Variants in GK5 observed in about 807,000 individuals in gnomAD.
GK5 encodes the protein glycerol kinase 5, also known as ATP:glycerol 3-phosphotransferase 5.
In GK5, 39 loss-of-function variants were observed where a neutral mutation model predicts 77.3. That is an observed-to-expected ratio of 0.50 (90% CI 0.39 to 0.66). GK5 has a LOEUF of 0.66. GK5 is among the 30% of genes least tolerant of loss of function. The probability of loss-of-function intolerance (pLI) is 0.00; values close to 1 mark genes in which losing one functional copy is unlikely to be tolerated. For missense variants in GK5, 487 were observed against 633.8 expected, an observed-to-expected ratio of 0.77 and a Z score of 2.49; for synonymous variants, 211 against 208.0, an observed-to-expected ratio of 1.01 and a Z score of -0.13.
chr3:142,190,700 A>G (rs1282967730), intron 5 of GK5, among the ~76,000 whole-genome samples: 1 of 152,350 alleles, frequency 6.6e-6, no homozygotes, highest in Non-Finnish European at 1.5e-5. Flanking sequence ...TTAATTTGAT[A>G]AAGTACAAAG....
rs553532157 is a variant in GK5 at position 142,213,557 on chromosome 3, T to C, written c.286A>G (p.Thr96Ala). The C allele has an allele frequency of 3.1e-6, 5 of 1,612,334 alleles. No individual in the cohort carries two copies. In the South Asian group the frequency reaches 5.5e-5, roughly 18 times the overall value. Residue 96 changes from threonine to alanine, a missense_variant, in exon 3 of 16, where the codon ACA becomes GCA. Thr to Ala is a moderately conservative substitution (Grantham distance 58). Coordinates refer to ENST00000392993, the MANE Select transcript of GK5 (RefSeq NM_001039547.3). ...MNQIVGLGISTQRATFITWNK... is the reference protein window; with the variant it reads ...MNQIVGLGISAQRATFITWNK... ...CACGTAATAAAAGTTGCTCTCTGTG[T>C]TGAAATGCCAAGACCAACAATTTGA...
In GK5 at chr3:142,222,846, T is replaced by C. The variant is rs200404494; in HGVS notation, c.147+2463A>G. 5.9e-5 allele frequency among the ~76,000 whole-genome samples: 9 copies of C among 152,192 alleles called. No individual in the cohort carries two copies. The East Asian group carries it at 9.6e-4, about 16-fold the overall frequency. On this transcript the variant is annotated intron_variant, in intron 1 of 15. Transcript: ENST00000392993. ...CCAAACGTTTCATTACTAGAGTCAATAGACATAAAATTATTCTGCTAAGTT... is the reference window on the plus strand; with the variant it reads ...CCAAACGTTTCATTACTAGAGTCAACAGACATAAAATTATTCTGCTAAGTT...
rs1358231417 is a variant in GK5 at position 142,161,304 on chromosome 3, T to C, written c.*4318A>G. The C allele has an allele frequency of 1.3e-5, 2 of 152,264 alleles. No individual in the cohort carries two copies. The highest frequency in any genetic ancestry group is 2.1e-4 in the South Asian group (1 of 4,824). 9.4% of individuals were successfully genotyped at this position (152,264 alleles called of 1,614,324 possible). ...TTTTAATAGAGATGGGGTTTCTCCA[T>C]GTTGGTCAGGCTGGTCTCAAGCTAC... On this transcript the variant is annotated 3_prime_UTR_variant, in exon 16 of 16. Transcript: ENST00000392993.
intron 5 of GK5, among the ~76,000 whole-genome samples, chr3:142,189,297 A>C (rs898365699): frequency 6.6e-6 from 1 of 152,248 alleles, no homozygotes; most frequent in Non-Finnish European, 1.5e-5. Context: ...ATACTTTAAT[A>C]GTAGAAAGGA....
At chr3:142,190,621 T>C (rs1365233513) in intron 5 of GK5, among the ~76,000 whole-genome samples, 1 of 152,220 alleles carries the variant, frequency 6.6e-6, no homozygotes, top group Non-Finnish European at 1.5e-5. Context: ...ACAGAAAATA[T>C]GTTTGATAAA....
Position 142,213,396 on chromosome 3 carries a change from T to C in GK5, c.317+130A>G, listed in dbSNP as rs2064223598. On this transcript the variant is annotated intron_variant, in intron 3 of 15. Coordinates refer to ENST00000392993, the MANE Select transcript of GK5 (RefSeq NM_001039547.3). ...GCATACAAGCCAGAAAGCAGGCACA[T>C]TTCATCCCTCTTAACCAAACGAAAC... The C allele has an allele frequency of 1.5e-6, 1 of 653,624 alleles. No individual in the cohort carries two copies. The highest frequency in any genetic ancestry group is 1.8e-5 in the African/African-American group (1 of 56,094). 40.5% of individuals were successfully genotyped at this position (653,624 alleles called of 1,614,324 possible).
chr3:142,202,413 A>G (rs2064039759), intron 4 of GK5, among the ~76,000 whole-genome samples: 1 of 152,188 alleles, frequency 6.6e-6, no homozygotes. Flanking sequence ...TCTGGCAAAA[A>G]CACTCTAAAC....
At chr3:142,194,872 T>C (rs1468674291) in intron 5 of GK5, among the ~76,000 whole-genome samples, 2 of 150,592 alleles carry the variant, frequency 1.3e-5, no homozygotes, top group Non-Finnish European at 2.9e-5. Flanking sequence ...TATTACATTG[T>C]CATGCTCAAC....
rs142059688 is a variant in GK5, at chr3:142,188,627, A to G, written c.544-848T>C. Among the ~76,000 whole-genome samples the G allele has an allele frequency of 6.7e-3, 1,018 of 152,406 alleles. 9 individuals carry two copies. Among genetic ancestry groups the G allele is most frequent in the African/African-American group, 0.023 (947 of 41,608 alleles). ...TCTGTTTTTGTACAGCAAATTAAAA[A>G]TGGTTTTCATAATTTTTAATGGTTA... On this transcript the variant is annotated intron_variant, in intron 5 of 15. Coordinates refer to ENST00000392993, the MANE Select transcript of GK5 (RefSeq NM_001039547.3).
Position 142,185,787 on chromosome 3 carries a change from C to T in GK5, c.816+142G>A, listed in dbSNP as rs530422342. 10 of 1,551,330 alleles carry T rather than the reference C, an allele frequency of 6.4e-6. No homozygotes were observed. The South Asian group carries it at 7.2e-5, about 11-fold the overall frequency. Reference sequence around the variant, plus strand: ...CAGATATTCTGGTCATATCCAGGGACCTTTAACTTAAAAAGAAAAAAAAAT... The same window carrying T: ...CAGATATTCTGGTCATATCCAGGGATCTTTAACTTAAAAAGAAAAAAAAAT... On this transcript the variant is annotated intron_variant, in intron 9 of 15. Transcript: ENST00000392993.
At chr3:142,188,697 A>C (rs2063808341) in intron 5 of GK5, among the ~76,000 whole-genome samples, 1 of 152,270 alleles carries the variant, frequency 6.6e-6, no homozygotes, top group African/African-American at 2.4e-5. Flanking sequence ...AAATTATATG[A>C]AACTCAAATT....
At chr3:142,180,363 C>T (rs1014682590) in intron 11 of GK5, among the ~76,000 whole-genome samples, 4 of 151,274 alleles carry the variant, frequency 2.6e-5, no homozygotes, top group Non-Finnish European at 5.9e-5. Context: ...AGTGCAATGG[C>T]GTGATCTCGG....
rs1577096811 is a variant in GK5, at chr3:142,158,300, A to G, written c.*7322T>C. 6.7e-6 allele frequency: 1 copy of G among 149,292 alleles called. No individual in the cohort carries two copies. Among genetic ancestry groups the G allele is most frequent in the Admixed American group, 6.7e-5 (1 of 14,944 alleles). The allele number at this position is 149,292 out of a possible 1,614,324, so 9.2% of individuals were successfully genotyped here. On this transcript the variant is annotated 3_prime_UTR_variant, in exon 16 of 16. Coordinates refer to ENST00000392993, the MANE Select transcript of GK5 (RefSeq NM_001039547.3). ...ACCATGTTGCCCAGGATATCCTCAA[A>G]CTCCTGGGCTCAAGTGATTCTCCAG...
intron 4 of GK5, among the ~76,000 whole-genome samples, chr3:142,203,673 C>T (rs2107790836): frequency 6.6e-6 from 1 of 152,216 alleles, no homozygotes; most frequent in Non-Finnish European, 1.5e-5. Context: ...ACTTGGGAGG[C>T]TGAGGCAGGA....
At chr3:142,197,525 T>C (rs1276442334) in intron 5 of GK5, among the ~76,000 whole-genome samples, 1 of 152,214 alleles carries the variant, frequency 6.6e-6, no homozygotes, top group African/African-American at 2.4e-5. Context: ...AGTGTGTCCC[T>C]TATAGACAAC....
intron 3 of GK5, among the ~76,000 whole-genome samples, chr3:142,208,186 T>A (rs538797149): frequency 1.3e-5 from 2 of 152,358 alleles, no homozygotes; most frequent in South Asian, 2.1e-4. Context: ...ACTTATTATT[T>A]ATAATTAAAT....
chr3:142,169,740 C>T (rs917862997), intron 15 of GK5, among the ~76,000 whole-genome samples: 4 of 147,144 alleles, frequency 2.7e-5, no homozygotes, highest in African/African-American at 5.1e-5. Context: ...GGCACCATCT[C>T]GGCTCACTGC....
At chr3:142,208,223 G>A (rs2064138955) in intron 3 of GK5, among the ~76,000 whole-genome samples, 1 of 152,082 alleles carries the variant, frequency 6.6e-6, no homozygotes, top group Non-Finnish European at 1.5e-5. Context: ...ACTTTGGAGA[G>A]TTCCAATAGT....
At chr3:142,185,412 C>CAAA in intron 9 of GK5, 23 of 724,064 alleles carry the variant, frequency 3.2e-5, no homozygotes, top group South Asian at 6.1e-5. Context: ...GACCCTGTCT[C>CAAA]AAAAAAAAAA....
Sources: allele counts gnomAD v4.1 joint callset (sites outside exome capture counted in the v4.1 genomes callset), GRCh38; gene constraint gnomAD v4.1.1; transcripts MANE v1.5; gene names NCBI Gene and HGNC (gene_info 2026-07-23, HGNC 2026-07-21).